The following KIAA1328 variants were observed in gnomAD, a reference collection of about 807,000 sequenced individuals.
The protein encoded by KIAA1328 is KIAA1328, also known as protein hinderin.
KIAA1328 carries 52 observed loss-of-function variants against 68.1 expected under a neutral mutation model. That is an observed-to-expected ratio of 0.76 (90% CI 0.61 to 0.96). The LOEUF is 0.96. Ranked by LOEUF, KIAA1328 falls within the 40% of genes least tolerant of loss-of-function variation. The pLI, the probability that KIAA1328 is intolerant of heterozygous loss-of-function variation, is 0.00. For synonymous variants in KIAA1328, 232 were observed against 239.4 expected (o/e 0.97, Z 0.28); for missense variants, 641 against 677.6 (o/e 0.95, Z 0.60).
intron 7 of KIAA1328, among the ~76,000 whole-genome samples, chr18:37,100,604 G>C (rs1216941934): frequency 1.3e-5 from 2 of 152,214 alleles, no homozygotes; most frequent in Admixed American, 6.5e-5. Context: ...GCAGGGCATA[G>C]CCAAACAAAA....
intron 7 of KIAA1328, chr18:37,075,512 G>A (rs1309140269): frequency 2.0e-5 from 3 of 152,096 alleles, no homozygotes; most frequent in Admixed American, 6.6e-5. Flanking sequence ...TGGACTAAAT[G>A]CTCCAATTAA....
intron 9 of KIAA1328, among the ~76,000 whole-genome samples, chr18:37,184,899 C>T (rs1009342431): frequency 7.9e-5 from 12 of 152,072 alleles, no homozygotes; most frequent in African/African-American, 2.4e-4. Flanking sequence ...CGTGGTGGCT[C>T]ATGCCTGTAA....
At chr18:37,168,245 G>T (rs2059429442) in intron 8 of KIAA1328, among the ~76,000 whole-genome samples, 1 of 152,214 alleles carries the variant, frequency 6.6e-6, no homozygotes, top group Admixed American at 6.5e-5. Flanking sequence ...GAGAGGTATT[G>T]GAAGAATACA....
At chr18:37,098,050 T>C (rs567442337) in intron 7 of KIAA1328, among the ~76,000 whole-genome samples, 5 of 152,178 alleles carry the variant, frequency 3.3e-5, no homozygotes, top group African/African-American at 9.7e-5. Context: ...CTTTTCCTAA[T>C]TGAATACCCT....
At chr18:37,130,908 G>A (rs1039087731) in intron 7 of KIAA1328, among the ~76,000 whole-genome samples, 14 of 151,986 alleles carry the variant, frequency 9.2e-5, no homozygotes, top group East Asian at 7.7e-4. Flanking sequence ...TATGTTCCAG[G>A]GCTTTGTGCT....
At chr18:37,201,764 G>A (rs1298550489) in intron 9 of KIAA1328, among the ~76,000 whole-genome samples, 3 of 152,124 alleles carry the variant, frequency 2.0e-5, no homozygotes, top group African/African-American at 7.2e-5. Flanking sequence ...CTCTTCTTGA[G>A]GTCCCCAGAA....
Position 36,923,477 on chromosome 18 carries a change from A to G in KIAA1328, c.449-35831A>G, listed in dbSNP as rs560223388. ...AATGACAGAGGTCTCATCTCTACAGATTCTATAGATCTTAAAAAAAGGGGA... is the reference window on the plus strand; with the variant it reads ...AATGACAGAGGTCTCATCTCTACAGGTTCTATAGATCTTAAAAAAAGGGGA... On this transcript the variant is annotated intron_variant, in intron 5 of 9. Transcript: ENST00000280020. 1.4e-4 allele frequency among the ~76,000 whole-genome samples: 22 copies of G among 152,318 alleles called. No individual in the cohort carries two copies. The South Asian group carries it at 4.3e-3, about 30-fold the overall frequency.
At chr18:37,145,078 T>G (rs1176771446) in intron 7 of KIAA1328, among the ~76,000 whole-genome samples, 1 of 151,854 alleles carries the variant, frequency 6.6e-6, no homozygotes, top group Non-Finnish European at 1.5e-5. Context: ...CTACAAAAAA[T>G]ACAAAAAGTA....
At chr18:37,197,002 T>A (rs929924529) in intron 9 of KIAA1328, among the ~76,000 whole-genome samples, 3 of 152,052 alleles carry the variant, frequency 2.0e-5, no homozygotes, top group African/African-American at 7.2e-5. Flanking sequence ...TATAAATGGT[T>A]TAATCTTGGC....
chr18:36,852,884 T>G (rs941135338), intron 4 of KIAA1328, among the ~76,000 whole-genome samples: 3 of 152,194 alleles, frequency 2.0e-5, no homozygotes, highest in African/African-American at 7.2e-5. Flanking sequence ...GTCTGGATGT[T>G]CTATATGTTA....
intron 7 of KIAA1328, chr18:37,075,204 A>T (rs1417652970): frequency 6.6e-6 from 1 of 151,892 alleles, no homozygotes; most frequent in Admixed American, 6.6e-5. Flanking sequence ...AAGAATTTTC[A>T]ACCCAGAATT....
intron 5 of KIAA1328, among the ~76,000 whole-genome samples, chr18:36,949,353 T>C (rs972479329): frequency 1.3e-5 from 2 of 152,212 alleles, no homozygotes; most frequent in African/African-American, 4.8e-5. Context: ...TTATATTTTC[T>C]TATTTTGTGA....
At chr18:37,027,116 C>T (rs1265403548) in intron 6 of KIAA1328, among the ~76,000 whole-genome samples, 1 of 152,048 alleles carries the variant, frequency 6.6e-6, no homozygotes, top group Non-Finnish European at 1.5e-5. Context: ...CTCCTATTCA[C>T]AATTGCTTCA....
At chr18:36,880,718 A>T (rs570884045) in intron 4 of KIAA1328, among the ~76,000 whole-genome samples, 41 of 151,956 alleles carry the variant, frequency 2.7e-4, no homozygotes, top group South Asian at 8.3e-4. Context: ...GATTTTTTTT[A>T]AAAAAAGATT....
At chr18:36,842,562 C>A (rs899416921) in intron 3 of KIAA1328, among the ~76,000 whole-genome samples, 1 of 152,096 alleles carries the variant, frequency 6.6e-6, no homozygotes, top group African/African-American at 2.4e-5. Flanking sequence ...CTACCAGTAC[C>A]TCTAGAATTT....
At chr18:36,832,357 C>T (rs2046520631) in intron 1 of KIAA1328, among the ~76,000 whole-genome samples, 1 of 151,972 alleles carries the variant, frequency 6.6e-6, no homozygotes, top group Non-Finnish European at 1.5e-5. Flanking sequence ...GAGGCCAAAG[C>T]AGGTGGATCA....
intron 4 of KIAA1328, among the ~76,000 whole-genome samples, chr18:36,867,318 C>CGTGTG (rs2047787994): frequency 6.6e-6 from 1 of 152,172 alleles, no homozygotes; most frequent in Non-Finnish European, 1.5e-5. Flanking sequence ...CTGCTTTCAC[C>CGTGTG]ATGTGAAGTG....
downstream of KIAA1328, among the ~76,000 whole-genome samples, chr18:37,228,716 A>T (rs944231581): frequency 2.1e-4 from 32 of 152,116 alleles, no homozygotes; most frequent in Admixed American, 8.5e-4. Flanking sequence ...GCTACTCAGG[A>T]GGCTGAGGCA....
At chr18:37,106,327 G>C (rs2057774626) in intron 7 of KIAA1328, among the ~76,000 whole-genome samples, 1 of 152,114 alleles carries the variant, frequency 6.6e-6, no homozygotes, top group Non-Finnish European at 1.5e-5. Flanking sequence ...CTGGAAGTGG[G>C]AACTAGGAGC....
Sources: gnomAD v4.1 joint callset for allele counts (sites outside exome capture counted in the v4.1 genomes callset) on GRCh38, gnomAD v4.1.1 for gene constraint, MANE v1.5 for transcripts, NCBI Gene and HGNC (gene_info 2026-07-23, HGNC 2026-07-21) for gene names.